The following LETM2 variants were observed in gnomAD, a reference collection of about 807,000 sequenced individuals.
LETM2 encodes leucine zipper and EF-hand containing transmembrane protein 2.
Under a neutral mutation model 59.6 loss-of-function variants are expected in LETM2, and 58 were observed. The ratio of observed to expected loss-of-function variants is 0.97; its 90% confidence interval spans 0.79 to 1.21. LETM2 has a LOEUF of 1.21. Among genes scored for constraint, LETM2 ranks in the 50% most tolerant of loss-of-function variants. The probability of loss-of-function intolerance (pLI) is 0.00; values close to 1 mark genes in which losing one functional copy is unlikely to be tolerated. For synonymous variants in LETM2, 199 were observed against 214.1 expected (o/e 0.93, Z 0.62); for missense variants, 572 against 575.7 (o/e 0.99, Z 0.07).
chr8:38,402,596 G>A lies in LETM2; in HGVS notation c.1056G>A (p.Met352Ile). The A allele has an allele frequency of 6.2e-7, 1 of 1,614,166 alleles. No individual in the cohort carries two copies. The highest frequency in any genetic ancestry group is 8.5e-7 in the Non-Finnish European group (1 of 1,179,988). The change falls in exon 7 of 11, where the codon ATG (methionine) becomes ATA (isoleucine). Residue 352 changes from methionine to isoleucine, a missense_variant. By Grantham distance (10) the Met-to-Ile change is conservative (BLOSUM62 1). Transcript: ENST00000379957. ...ELQAACRARG[M>I]RSLGLTEEQL... ...AGGCTGCCTGTAGGGCCCGAGGGAT[G>A]AGATCACTGGGTCTCACGGAGGAAC...
At chr8:38,402,232 T>A (rs1813290417) in intron 6 of LETM2, among the ~76,000 whole-genome samples, 1 of 152,178 alleles carries the variant, frequency 6.6e-6, no homozygotes, top group African/African-American at 2.4e-5. Flanking sequence ...CATGGAAAAG[T>A]ATGTATGTCA....
intron 4 of LETM2, among the ~76,000 whole-genome samples, chr8:38,398,638 C>T (rs756704338): frequency 6.6e-6 from 1 of 151,814 alleles, no homozygotes; most frequent in Admixed American, 6.6e-5. Context: ...ATCCCCAGTA[C>T]CTAATATGGT....
In LETM2 at chr8:38,391,505, G is replaced by C. The variant is rs150882448; in HGVS notation, c.48-1037G>C. On this transcript the variant is annotated intron_variant, in intron 2 of 10. Coordinates refer to ENST00000379957, the MANE Select transcript of LETM2 (RefSeq NM_001286819.2). ...TTTAGTAGAGATGGGGTTTCACCAA[G>C]TTGGCCAGGATGGTCTCGATCTCTT... 0.021 allele frequency among the ~76,000 whole-genome samples: 3,237 copies of C among 151,760 alleles called. 202 individuals are homozygous for C. In the East Asian group the frequency reaches 0.21, roughly 10 times the overall value.
intron 6 of LETM2, 49 bp from the exon 7 acceptor site, chr8:38,402,476 G>T (rs749633385): frequency 6.2e-7 from 1 of 1,601,000 alleles, no homozygotes; most frequent in Admixed American, 1.7e-5. Flanking sequence ...TAGGGTTTAC[G>T]TAAAATTGGA....
intron 4 of LETM2, 170 bp downstream of exon 4, chr8:38,394,411 CA>C (rs1312014034): frequency 1.4e-5 from 6 of 442,004 alleles, no homozygotes; most frequent in Non-Finnish European, 2.4e-5. Flanking sequence ...TTAAAAAAAC[CA>C]ATATTGACAT....
In LETM2 at chr8:38,408,351, T is replaced by TA. The variant is rs1813909329; in HGVS notation, c.*79dup. The TA allele has an allele frequency of 1.1e-5, 13 of 1,236,572 alleles. No individual in the cohort carries two copies. In the South Asian group the frequency reaches 1.5e-4, roughly 15 times the overall value. 76.6% of individuals were successfully genotyped at this position (1,236,572 alleles called of 1,614,324 possible). On this transcript the variant is annotated 3_prime_UTR_variant, in exon 11 of 11. Coordinates refer to ENST00000379957, the MANE Select transcript of LETM2 (RefSeq NM_001286819.2). ...TGGCATCTGTAAAGGACCTCCCAGA[T>TA]AAGACTGTCTGGCTTCAGAGAGCGG...
intron 4 of LETM2, among the ~76,000 whole-genome samples, chr8:38,398,720 CTTT>C (rs869232263): frequency 8.6e-6 from 1 of 115,794 alleles, no homozygotes. Flanking sequence ...TAAGTGGGTT[CTTT>C]TTTTTTTTTT....
intron 6 of LETM2, chr8:38,401,509 C>G: frequency 5.6e-6 from 1 of 177,868 alleles, no homozygotes; most frequent in Non-Finnish European, 1.2e-5. Context: ...CAACCATTAC[C>G]ATGACAACCT....
At chr8:38,386,161 A>G (rs924580867), upstream of LETM2, 1 of 152,254 alleles carries the variant, frequency 6.6e-6, no homozygotes, top group Non-Finnish European at 1.5e-5. Flanking sequence ...AATGGTTACC[A>G]TGGCGACTAT....
chr8:38,392,455 CTATT>C (rs958623244), intron 2 of LETM2, 83 bp from the exon 3 acceptor site: 23 of 841,754 alleles, frequency 2.7e-5, no homozygotes, highest in African/African-American at 5.1e-5. Flanking sequence ...GATGTACTAT[CTATT>C]TCTTTAATAA....
upstream of LETM2, among the ~76,000 whole-genome samples, chr8:38,384,878 G>A (rs1323343022): frequency 6.6e-6 from 1 of 152,164 alleles, no homozygotes; most frequent in Non-Finnish European, 1.5e-5. Context: ...ATATTTCCCC[G>A]TATAAAATGT....
At chr8:38,396,887 C>T in intron 4 of LETM2, 1 of 297,232 alleles carries the variant, frequency 3.4e-6, no homozygotes, top group East Asian at 9.5e-5. Flanking sequence ...CACTGCACTC[C>T]AGCCTGGGCA....
chr8:38,384,841 G>A (rs1449331549), upstream of LETM2, among the ~76,000 whole-genome samples: 1 of 152,244 alleles, frequency 6.6e-6, no homozygotes, highest in East Asian at 1.9e-4. Flanking sequence ...GTGCCTGGTT[G>A]TAAGTGAATA....
In LETM2 at chr8:38,388,050, C is replaced by T. The variant is rs1312726774; in HGVS notation, c.47+20C>T. On this transcript the variant is annotated intron_variant, in intron 2 of 10. Coordinates refer to ENST00000379957, the MANE Select transcript of LETM2 (RefSeq NM_001286819.2). ...AACAAGGTAAGCATTGGAGTTACCC[C>T]CCAATATGAACGTAATTCTTCTTCT... 1 of 1,476,756 alleles carries T rather than the reference C, an allele frequency of 6.8e-7. No homozygotes were observed. The highest frequency in any genetic ancestry group is 9.1e-7 in the Non-Finnish European group (1 of 1,099,070). The allele number at this position is 1,476,756 out of a possible 1,614,324, so 91.5% of individuals were successfully genotyped here. A position where few individuals can be genotyped will look rare whatever the true frequency, so the allele number is the denominator to read the frequency against.
rs1813337626 is a variant in LETM2, at chr8:38,402,663, C to G, written c.1104+19C>G. ...CACGGAGGCAAGTAGCAGCGCCCCT[C>G]TGGGGTCCTCTTCCCTAGAACTCTC... is the stretch of plus-strand genomic sequence containing the variant. On this transcript the variant is annotated intron_variant, in intron 7 of 10. Coordinates refer to ENST00000379957, the MANE Select transcript of LETM2 (RefSeq NM_001286819.2). 1 of 1,613,372 alleles carries G rather than the reference C, an allele frequency of 6.2e-7. No homozygotes were observed. Among genetic ancestry groups the G allele is most frequent in the African/African-American group, 1.3e-5 (1 of 75,038 alleles).
chr8:38,405,542 A>G (rs1813649042), intron 8 of LETM2, among the ~76,000 whole-genome samples: 1 of 152,232 alleles, frequency 6.6e-6, no homozygotes, highest in African/African-American at 2.4e-5. Context: ...GTCCAATATG[A>G]AAACCCAACT....
chr8:38,406,339 G>C (rs1813713370), intron 8 of LETM2: 1 of 152,238 alleles, frequency 6.6e-6, no homozygotes, highest in African/African-American at 2.4e-5. Context: ...AGTGGCTCAT[G>C]CCTGTAATCC....
At chr8:38,389,065 C>T (rs1415726866) in intron 2 of LETM2, among the ~76,000 whole-genome samples, 1 of 152,044 alleles carries the variant, frequency 6.6e-6, no homozygotes, top group African/African-American at 2.4e-5. Flanking sequence ...TGTGCCCAGC[C>T]AGAAGATGTA....
intron 4 of LETM2, among the ~76,000 whole-genome samples, chr8:38,397,501 A>G (rs1395740066): frequency 6.6e-6 from 1 of 152,206 alleles, no homozygotes; most frequent in Non-Finnish European, 1.5e-5. Flanking sequence ...GTGGCATAAG[A>G]GAGTATGATG....
Sources: gnomAD v4.1 joint callset for allele counts (sites outside exome capture counted in the v4.1 genomes callset) on GRCh38, gnomAD v4.1.1 for gene constraint, MANE v1.5 for transcripts, NCBI Gene and HGNC (gene_info 2026-07-23, HGNC 2026-07-21) for gene names.